HEPHL1: variants seen among roughly 807,000 people sequenced by gnomAD.
HEPHL1 encodes hephaestin like 1, also known as ferroxidase HEPHL1.
A neutral mutation model predicts 122.0 loss-of-function variants in HEPHL1; 123 were observed. The ratio of observed to expected loss-of-function variants is 1.01; its 90% CI spans 0.87 to 1.17. HEPHL1 has a LOEUF of 1.17. Ranked by LOEUF, HEPHL1 falls within the 50% of genes most tolerant of loss-of-function variation. HEPHL1 has a pLI of 0.00. For missense variants in HEPHL1, 1,452 were observed against 1,430.5 expected, an observed-to-expected ratio of 1.01 and a Z score of -0.24; for synonymous variants, 527 against 508.9, an observed-to-expected ratio of 1.04 and a Z score of -0.48.
intron 5 of HEPHL1, 118 bp from the exon 6 acceptor site, chr11:94,070,255 TG>T: frequency 1.1e-6 from 1 of 930,618 alleles, no homozygotes. Context: ...ACTTTCTTTA[TG>T]GTCCAATTTT....
chr11:94,047,002 T>G (rs1235206294), intron 2 of HEPHL1, among the ~76,000 whole-genome samples: 1 of 152,150 alleles, frequency 6.6e-6, no homozygotes, highest in African/African-American at 2.4e-5. Context: ...GTGAGGCAGC[T>G]GCTCCAGCCA....
rs1946044920 is a variant in HEPHL1, at chr11:94,067,632, C to A, written c.945C>A (p.Ser315Arg). The change falls in exon 5 of 20, where the codon AGC becomes AGA. Residue 315 changes from serine (S) to arginine (R), a missense_variant. By Grantham distance (110) the Ser-to-Arg change is moderately radical. Transcript: ENST00000315765. The part of the protein sequence containing the change: ...SIYFYGNTFI[S>R]RGHRTDVVNL... ...ATTTCTATGGTAACACCTTCATCAG[C>A]AGAGGGCATCGGACTGATGTCGTCA... 4 of 1,613,796 alleles carry A rather than the reference C, an allele frequency of 2.5e-6. No homozygotes were observed. The East Asian group carries it at 8.9e-5, about 36-fold the overall frequency.
At position 94,104,624 on chromosome 11, in the gene HEPHL1, C is replaced by G; in HGVS notation, c.2779C>G (p.Leu927Val). Residue 927 changes from leucine to valine, a missense_variant, in exon 16 of 20, where the codon CTC (leucine) becomes GTC (valine). By Grantham distance (32) the Leu-to-Val change is conservative. Coordinates refer to ENST00000315765, the MANE Select transcript of HEPHL1 (RefSeq NM_001098672.2). Reference protein sequence around the residue: ...RRSDVDYEFALLFLVFNENES... With the variant: ...RRSDVDYEFAVLFLVFNENES... Reference sequence around the variant, plus strand: ...AAGTGACGTTGATTATGAATTTGCTCTCTTGTTTTTGGTATTTAATGAGAA... The same window carrying G: ...AAGTGACGTTGATTATGAATTTGCTGTCTTGTTTTTGGTATTTAATGAGAA... 1.2e-6 allele frequency: 2 copies of G among 1,613,740 alleles called. No individual in the cohort carries two copies. The highest frequency in any genetic ancestry group is 1.1e-5 in the South Asian group (1 of 91,070).
chr11:94,046,362 T>G (rs2134416249), intron 2 of HEPHL1, among the ~76,000 whole-genome samples: 1 of 151,536 alleles, frequency 6.6e-6, no homozygotes, highest in East Asian at 1.9e-4. Flanking sequence ...CCTCTCAAAG[T>G]GCTGGGATTA....
At chr11:94,057,023 G>C (rs1945943416) in intron 2 of HEPHL1, among the ~76,000 whole-genome samples, 1 of 151,970 alleles carries the variant, frequency 6.6e-6, no homozygotes, top group Non-Finnish European at 1.5e-5. Flanking sequence ...CGTTTTGCTG[G>C]ATATAGCATT....
At chr11:94,090,286 A>G (rs956333486) in intron 12 of HEPHL1, among the ~76,000 whole-genome samples, 19 of 152,192 alleles carry the variant, frequency 1.2e-4, no homozygotes, top group African/African-American at 4.6e-4. Flanking sequence ...CCCTTTCTAA[A>G]ATGATTATTT....
intron 6 of HEPHL1, 79 bp downstream of exon 6, chr11:94,070,621 T>G: frequency 8.5e-7 from 1 of 1,176,606 alleles, no homozygotes; most frequent in Non-Finnish European, 1.2e-6. Context: ...CTAATTTGTA[T>G]TCCAACCACT....
At chr11:94,021,607 G>C in intron 1 of HEPHL1, 69 bp downstream of exon 1, 4 of 1,251,358 alleles carry the variant, frequency 3.2e-6, no homozygotes, top group Non-Finnish European at 4.5e-6. Context: ...GGGGAAGGTT[G>C]TATTTCTTGG....
chr11:94,097,047 T>G (rs1946322630), intron 13 of HEPHL1, among the ~76,000 whole-genome samples: 1 of 152,216 alleles, frequency 6.6e-6, no homozygotes, highest in Non-Finnish European at 1.5e-5. Flanking sequence ...TAGTTATTTC[T>G]TGCCTTCTGC....
intron 2 of HEPHL1, among the ~76,000 whole-genome samples, chr11:94,050,313 T>TATAC (rs1455475863): frequency 6.6e-6 from 1 of 152,194 alleles, no homozygotes; most frequent in Admixed American, 6.5e-5. Context: ...TACCAGTCTG[T>TATAC]ATACCTTTAC....
intron 3 of HEPHL1, 74 bp from the exon 4 acceptor site, chr11:94,064,257 T>G (rs1470148319): frequency 6.0e-6 from 7 of 1,171,014 alleles, no homozygotes; most frequent in African/African-American, 1.5e-5. Context: ...CACACTTGCC[T>G]GACACTATTG....
At chr11:94,099,297 G>C (rs1473194470) in intron 13 of HEPHL1, among the ~76,000 whole-genome samples, 3 of 152,186 alleles carry the variant, frequency 2.0e-5, no homozygotes, top group Non-Finnish European at 4.4e-5. Flanking sequence ...CTGTTTGCCT[G>C]GATATCAGCA....
Position 94,085,964 on chromosome 11 carries a change from T to C in HEPHL1, c.1868-13T>C, listed in dbSNP as rs1483703600. 3 of 1,604,988 alleles carry C rather than the reference T, an allele frequency of 1.9e-6. No homozygotes were observed. ...CACTGATAATTTTTCACCGTCTTTC[T>C]TCTTCCATTTAGCTGTTAACGGCTA... On this transcript the variant is annotated splice_polypyrimidine_tract_variant and intron_variant, in intron 10 of 19. Transcript: ENST00000315765.
chr11:94,100,735 G>T (rs917544140), intron 13 of HEPHL1, among the ~76,000 whole-genome samples: 1 of 152,148 alleles, frequency 6.6e-6, no homozygotes, highest in Non-Finnish European at 1.5e-5. Flanking sequence ...TACACAGGGG[G>T]ATTACAACTG....
intron 8 of HEPHL1, among the ~76,000 whole-genome samples, chr11:94,074,324 A>G (rs1013401619): frequency 6.6e-6 from 1 of 152,108 alleles, no homozygotes; most frequent in Non-Finnish European, 1.5e-5. Flanking sequence ...AAGCCCAGCA[A>G]TTTGGAAGGC....
intron 1 of HEPHL1, among the ~76,000 whole-genome samples, chr11:94,025,691 C>T (rs1393617879): frequency 6.6e-6 from 1 of 151,978 alleles, no homozygotes; most frequent in Non-Finnish European, 1.5e-5. Flanking sequence ...AGAAGCAGGC[C>T]CTAGGATAGG....
chr11:94,110,878 G>A (rs749235743), intron 17 of HEPHL1, 25 bp from the exon 18 acceptor site: 4 of 1,595,942 alleles, frequency 2.5e-6, no homozygotes, highest in Admixed American at 1.7e-5. Context: ...GCTACTAGCT[G>A]TTGTTTTTTA....
chr11:94,044,299 T>C (rs1022186219), intron 1 of HEPHL1, among the ~76,000 whole-genome samples: 4 of 152,182 alleles, frequency 2.6e-5, no homozygotes, highest in Non-Finnish European at 5.9e-5. Flanking sequence ...GTTTTTCTCA[T>C]GTCCACCCCT....
chr11:94,050,770 T>C (rs1945882699), intron 2 of HEPHL1, among the ~76,000 whole-genome samples: 1 of 152,180 alleles, frequency 6.6e-6, no homozygotes, highest in Non-Finnish European at 1.5e-5. Flanking sequence ...TAATTCTTTC[T>C]AACTATTTTT....
Sources: allele counts gnomAD v4.1 joint callset (sites outside exome capture counted in the v4.1 genomes callset), GRCh38; gene constraint gnomAD v4.1.1; transcripts MANE v1.5; gene names NCBI Gene and HGNC (gene_info 2026-07-23, HGNC 2026-07-21).